The following TRPM7 variants were observed in gnomAD, a reference collection of about 807,000 sequenced individuals.
TRPM7 encodes LTRPC ion channel family member 7.
TRPM7 carries 134 observed loss-of-function variants against 229.7 expected under a neutral mutation model. The observed-to-expected ratio is 0.58, with a 90% CI of 0.51 to 0.67. The LOEUF (loss-of-function observed/expected upper bound fraction) is 0.67. TRPM7 is among the 30% of genes least tolerant of loss of function. The pLI is 0.00. For missense variants in TRPM7, 1,901 were observed against 2,210.0 expected (o/e 0.86, Z 2.80); for synonymous variants, 699 against 715.2 (o/e 0.98, Z 0.36).
At chr15:50,679,522 ATATATATATATATATAT>A (rs2062189576) in intron 1 of TRPM7, among the ~76,000 whole-genome samples, 1 of 23,324 alleles carries the variant, frequency 4.3e-5, no homozygotes, top group African/African-American at 1.4e-4. Flanking sequence ...ATATATATAT[ATATATATATATATATAT>A]TTTTTTTTTT....
intron 11 of TRPM7, among the ~76,000 whole-genome samples, chr15:50,626,195 T>C (rs1358603753): frequency 1.3e-5 from 2 of 152,198 alleles, no homozygotes; most frequent in Non-Finnish European, 2.9e-5. Flanking sequence ...AACATTTATA[T>C]ACTGAAATAT....
At chr15:50,585,050 A>ATTTTTTTTTT (rs755433337) in intron 28 of TRPM7, among the ~76,000 whole-genome samples, 219 of 94,956 alleles carry the variant, frequency 2.3e-3, no homozygotes, top group Non-Finnish European at 2.8e-3. Context: ...TAATTTTTGT[A>ATTTTTTTTTT]TTTTTTTTTT....
chr15:50,675,270 G>A (rs533912164), intron 1 of TRPM7, among the ~76,000 whole-genome samples: 1 of 151,370 alleles, frequency 6.6e-6, no homozygotes, highest in African/African-American at 2.4e-5. Context: ...CTGAACCCAG[G>A]ACACAGAGGT....
chr15:50,588,616 G>C (rs1286260278), intron 27 of TRPM7, among the ~76,000 whole-genome samples: 1 of 152,086 alleles, frequency 6.6e-6, no homozygotes, highest in Non-Finnish European at 1.5e-5. Context: ...CTTTAGGAAA[G>C]GTCCTGTTTT....
In TRPM7 at chr15:50,575,746, T is replaced by C. The variant is rs1490995332; in HGVS notation, c.4713A>G (p.Pro1571=). 4 of 1,613,122 alleles carry C rather than the reference T, an allele frequency of 2.5e-6. No individual in the cohort carries two copies. The highest frequency in any genetic ancestry group is 8.5e-7 in the Non-Finnish European group (1 of 1,179,708). The part of the protein sequence containing the change: ...NNLMRLSQSI[P]FTPVPPRGEP... Reference sequence around the variant, plus strand: ...TACCTCTTGGAGGCACAGGTGTAAATGGAATGCTCTGTGATAACCTCATCA... The same window carrying C: ...TACCTCTTGGAGGCACAGGTGTAAACGGAATGCTCTGTGATAACCTCATCA... The change falls in exon 33 of 39, where the codon CCA becomes CCG. Residue 1571 remains proline (P), a synonymous_variant. Transcript: ENST00000646667.
intron 38 of TRPM7, among the ~76,000 whole-genome samples, chr15:50,566,930 G>A (rs2053623867): frequency 1.3e-5 from 2 of 151,842 alleles, no homozygotes. Flanking sequence ...GAAACAAAGA[G>A]CACAGACCAA....
rs2060091605 is a variant in TRPM7 at position 50,612,608 on chromosome 15, A to G, written c.1992T>C (p.Tyr664=). 1.2e-6 allele frequency: 2 copies of G among 1,614,022 alleles called. No individual in the cohort carries two copies. The highest frequency in any genetic ancestry group is 1.6e-4 in the Middle Eastern group (1 of 6,082). Residue 664 remains tyrosine (Y), a synonymous_variant, in exon 16 of 39, where the codon TAT becomes TAC. Coordinates refer to ENST00000646667, the MANE Select transcript of TRPM7 (RefSeq NM_017672.6). The stretch of plus-strand genomic sequence containing the variant: ...CTACCAGGTCACTCTGCTTTGCTTC[A>G]TATGCCATTGAACGATAGATCTTAC... ...VACKIYRSMA[Y]EAKQSDLVDD... is the part of the protein sequence containing the mutation.
At chr15:50,641,343 A>T (rs1324530787) in intron 5 of TRPM7, among the ~76,000 whole-genome samples, 1 of 152,048 alleles carries the variant, frequency 6.6e-6, no homozygotes, top group African/African-American at 2.4e-5. Context: ...ATTCCACTCA[A>T]GCTATATTAG....
At chr15:50,651,000 C>A (rs527507655) in intron 3 of TRPM7, among the ~76,000 whole-genome samples, 29 of 152,014 alleles carry the variant, frequency 1.9e-4, no homozygotes, top group African/African-American at 6.5e-4. Flanking sequence ...CCAGCCCGGG[C>A]AACATGGTGA....
At chr15:50,645,716 C>T (rs1000924675) in intron 4 of TRPM7, among the ~76,000 whole-genome samples, 1 of 152,118 alleles carries the variant, frequency 6.6e-6, no homozygotes, top group Non-Finnish European at 1.5e-5. Flanking sequence ...ATTAGAGAAG[C>T]AGTCTAAAGT....
In TRPM7 at chr15:50,613,800, T is replaced by C. The variant is rs1479727693; in HGVS notation, c.1677A>G (p.Arg559=). The C allele has an allele frequency of 1.2e-6, 2 of 1,614,046 alleles. No homozygotes were observed. The highest frequency in any genetic ancestry group is 1.3e-5 in the African/African-American group (1 of 75,042). Reference sequence around the variant, plus strand: ...TATTGCCAAAAGATTCATGACTCTTTCGCAACTGAGGAGTGCTGCTGGAGG... The same window carrying C: ...TATTGCCAAAAGATTCATGACTCTTCCGCAACTGAGGAGTGCTGCTGGAGG... ...RNTSSSTPQL[R]KSHESFGNRA... The change falls in exon 15 of 39, where the codon CGA becomes CGG. Residue 559 remains arginine (R), a synonymous_variant. Transcript: ENST00000646667.
chr15:50,578,888 C>T lies in TRPM7; in HGVS notation c.4593-224G>A, dbSNP rs375946018. 6.7e-4 allele frequency among the ~76,000 whole-genome samples: 101 copies of T among 151,202 alleles called. No individual in the cohort carries two copies. In the East Asian group the frequency reaches 0.014, roughly 21 times the overall value. On this transcript the variant is annotated intron_variant, in intron 30 of 38. Coordinates refer to ENST00000646667, the MANE Select transcript of TRPM7 (RefSeq NM_017672.6). ...TCCATATGTATCTACTTATTAATAA[C>T]TTGTATCTCCAATTTATGCATAAAT...
At chr15:50,650,637 G>A (rs2061397015) in intron 3 of TRPM7, among the ~76,000 whole-genome samples, 1 of 152,020 alleles carries the variant, frequency 6.6e-6, no homozygotes. Flanking sequence ...AGAGGTTGTG[G>A]TGAGCCGAGA....
chr15:50,634,039 C>T (rs937315696), intron 8 of TRPM7, among the ~76,000 whole-genome samples: 22 of 152,158 alleles, frequency 1.4e-4, no homozygotes, highest in African/African-American at 4.8e-4. Flanking sequence ...TTAAAATGGG[C>T]CAGGCATGGT....
rs1486628852 is a variant in TRPM7, at chr15:50,614,173, T to C, written c.1585A>G (p.Thr529Ala). ...LMGGTYRCTY[T>A]RKRFRLIYNS... ...TATATTAATCGAAAACGTTTCCTAGTATAGGTGCATCTGTAGGTTCCTCCC... is the reference window on the plus strand; with the variant it reads ...TATATTAATCGAAAACGTTTCCTAGCATAGGTGCATCTGTAGGTTCCTCCC... The change falls in exon 14 of 39, where the codon ACT becomes GCT. Residue 529 changes from threonine (T) to alanine (A), a missense_variant. Thr to Ala is a moderately conservative substitution (Grantham distance 58). This residue lies in a region of TRPM7 where 794 missense variants were observed against 881.9 expected (regional missense o/e 0.90). Coordinates refer to ENST00000646667, the MANE Select transcript of TRPM7 (RefSeq NM_017672.6). 3 of 1,613,238 alleles carry C rather than the reference T, an allele frequency of 1.9e-6. No homozygotes were observed. Among genetic ancestry groups the C allele is most frequent in the East Asian group, 2.2e-5 (1 of 44,860 alleles).
intron 26 of TRPM7, among the ~76,000 whole-genome samples, chr15:50,591,640 G>T (rs1407762074): frequency 6.6e-6 from 1 of 152,052 alleles, no homozygotes; most frequent in Non-Finnish European, 1.5e-5. Flanking sequence ...GGGACTTCAG[G>T]CACATGCCAC....
rs28478208 is a variant in TRPM7 at position 50,568,772 on chromosome 15, C to G, written c.5467+1115G>C. The stretch of plus-strand genomic sequence containing the variant: ...GGTGGATCACTTGAGCCCAGGAATT[C>G]GAGAGCAGCCTGGGTGACATGGCAA... On this transcript the variant is annotated intron_variant, in intron 38 of 38. Coordinates refer to ENST00000646667, the MANE Select transcript of TRPM7 (RefSeq NM_017672.6). 3.9e-3 allele frequency among the ~76,000 whole-genome samples: 593 copies of G among 152,002 alleles called. 8 individuals carry two copies. Among genetic ancestry groups the G allele is most frequent in the African/African-American group, 0.014 (576 of 41,484 alleles).
chr15:50,597,637 G>A (rs2059667782), intron 22 of TRPM7, among the ~76,000 whole-genome samples: 1 of 152,134 alleles, frequency 6.6e-6, no homozygotes, highest in South Asian at 2.1e-4. Flanking sequence ...ACAGCCAGGC[G>A]TGATGGCTCA....
intron 5 of TRPM7, among the ~76,000 whole-genome samples, chr15:50,642,209 G>T (rs995174833): frequency 1.3e-5 from 2 of 152,104 alleles, no homozygotes; most frequent in Admixed American, 6.5e-5. Context: ...TGCCATTCTT[G>T]TATCAATTTA....
Sources: gnomAD v4.1 joint callset for allele counts (sites outside exome capture counted in the v4.1 genomes callset) on GRCh38, gnomAD v4.1.1 for gene constraint, gnomAD v4.1.1 regional missense constraint, MANE v1.5 for transcripts, NCBI Gene and HGNC (gene_info 2026-07-23, HGNC 2026-07-21) for gene names.